NOSTRIN: variants seen among roughly 807,000 people sequenced by gnomAD.
NOSTRIN encodes the protein nitric oxide synthase trafficking.
In NOSTRIN, 63 loss-of-function variants were observed where a neutral mutation model predicts 59.0. That is an observed-to-expected ratio of 1.07 (90% CI 0.87 to 1.32). The LOEUF (loss-of-function observed/expected upper bound fraction) is 1.32. Ranked by LOEUF, NOSTRIN falls within the 40% of genes most tolerant of loss-of-function variation. The pLI is 0.00. For missense variants in NOSTRIN, 512 were observed against 473.1 expected (o/e 1.08, Z -0.76); for synonymous variants, 200 against 165.4 (o/e 1.21, Z -1.61).
At chr2:168,843,880 G>T (rs968945036) in intron 8 of NOSTRIN, among the ~76,000 whole-genome samples, 1 of 152,166 alleles carries the variant, frequency 6.6e-6, no homozygotes, top group African/African-American at 2.4e-5. Flanking sequence ...TACTCCAAGA[G>T]TGATGCACAA....
In NOSTRIN at chr2:168,831,523, C is replaced by T. The variant is rs372867936; in HGVS notation, c.394C>T (p.Gln132Ter). 2.8e-5 allele frequency: 24 copies of T among 863,866 alleles called. No homozygotes were observed. The African/African-American group carries it at 3.7e-4, about 13-fold the overall frequency. 53.5% of individuals were successfully genotyped at this position (863,866 alleles called of 1,614,324 possible). A position where few individuals can be genotyped will look rare whatever the true frequency, so the allele number is the denominator to read the frequency against. ...TANLVISNWN[Q>*]QIKAKKKLMV... ...AAATCTTGTCATTAGCAACTGGAAT[C>T]AGCAAATTAAGGCAAGTATCCACAA... The change falls in exon 6 of 16, where the codon CAG becomes TAG. Residue 132 changes from glutamine (Q) to a stop codon, truncating the protein, a stop_gained. Coordinates refer to ENST00000317647, the MANE Select transcript of NOSTRIN (RefSeq NM_001039724.4). LOFTEE classifies it high-confidence loss of function.
chr2:168,846,912 C>G (rs1688462753), intron 8 of NOSTRIN, among the ~76,000 whole-genome samples: 2 of 152,166 alleles, frequency 1.3e-5, no homozygotes, highest in South Asian at 4.1e-4. Flanking sequence ...CGCCTCAGGA[C>G]AGTAGGGCTT....
At chr2:168,858,521 T>C (rs560139949) in intron 12 of NOSTRIN, among the ~76,000 whole-genome samples, 3 of 152,336 alleles carry the variant, frequency 2.0e-5, no homozygotes, top group South Asian at 4.1e-4. Context: ...TTGAGAAAAC[T>C]GGAGGCACTT....
intron 7 of NOSTRIN, among the ~76,000 whole-genome samples, chr2:168,836,518 C>G (rs971538698): frequency 6.6e-6 from 1 of 152,332 alleles, no homozygotes; most frequent in Admixed American, 6.5e-5. Flanking sequence ...ATTTTCTCAT[C>G]TCACATAGAA....
chr2:168,824,521 A>T, intron 2 of NOSTRIN, 113 bp from the exon 3 acceptor site: 1 of 635,440 alleles, frequency 1.6e-6, no homozygotes, highest in Non-Finnish European at 2.9e-6. Context: ...CTGGTCTTGA[A>T]CTCCTGGCCT....
chr2:168,848,023 A>G (rs781578798), intron 8 of NOSTRIN, among the ~76,000 whole-genome samples: 2 of 152,194 alleles, frequency 1.3e-5, no homozygotes, highest in Admixed American at 6.5e-5. Flanking sequence ...TAGGGATGCA[A>G]TATGTTCTAA....
At chr2:168,815,775 A>G (rs1686364547) in intron 2 of NOSTRIN, among the ~76,000 whole-genome samples, 1 of 152,202 alleles carries the variant, frequency 6.6e-6, no homozygotes, top group South Asian at 2.1e-4. Context: ...AACCATATAT[A>G]TCACAGTATA....
chr2:168,861,750 T>C (rs891271851), intron 14 of NOSTRIN, among the ~76,000 whole-genome samples: 1 of 152,252 alleles, frequency 6.6e-6, no homozygotes, highest in Admixed American at 6.5e-5. Flanking sequence ...TTTTTGGTTA[T>C]ATAACATATG....
intron 8 of NOSTRIN, among the ~76,000 whole-genome samples, chr2:168,846,837 C>T (rs1236629361): frequency 6.6e-6 from 1 of 152,170 alleles, no homozygotes; most frequent in Non-Finnish European, 1.5e-5. Flanking sequence ...TCAGTTCTCC[C>T]AAGGATGGCA....
In NOSTRIN at chr2:168,816,270, C is replaced by T. The variant is rs532627678; in HGVS notation, c.113+4618C>T. 1.1e-4 allele frequency among the ~76,000 whole-genome samples: 17 copies of T among 152,302 alleles called. No homozygotes were observed. The East Asian group carries it at 1.3e-3, about 12-fold the overall frequency. On this transcript the variant is annotated intron_variant, in intron 2 of 15. Transcript: ENST00000317647. ...GCTGAGGCCCTGTGCCTGTCTTTAA[C>T]GCGCCTTTCACTCTGTAGCCATGAC...
chr2:168,805,132 G>C (rs1685781534), intron 1 of NOSTRIN, among the ~76,000 whole-genome samples: 1 of 152,040 alleles, frequency 6.6e-6, no homozygotes, highest in Non-Finnish European at 1.5e-5. Context: ...TACAAAAAGG[G>C]CTCATGGTAC....
intron 2 of NOSTRIN, 120 bp downstream of exon 2, chr2:168,811,772 C>T (rs1013713229): frequency 4.8e-5 from 24 of 499,944 alleles, no homozygotes; most frequent in African/African-American, 2.6e-4. Flanking sequence ...TTTTGGTACT[C>T]GAGAGATTGC....
chr2:168,838,389 G>A lies in NOSTRIN; in HGVS notation c.504+4064G>A, dbSNP rs144801146. On this transcript the variant is annotated intron_variant, in intron 7 of 15. Coordinates refer to ENST00000317647, the MANE Select transcript of NOSTRIN (RefSeq NM_001039724.4). ...CAAGTAGCTGGGAGTACAGGCGTGCGCCATCACATCTGGCTAATTTTTGTA... is the reference window on the plus strand; with the variant it reads ...CAAGTAGCTGGGAGTACAGGCGTGCACCATCACATCTGGCTAATTTTTGTA... Among the ~76,000 whole-genome samples the A allele has an allele frequency of 2.4e-4, 37 of 152,086 alleles. 1 individual carries two copies. The highest frequency in any genetic ancestry group is 3.9e-4 in the Admixed American group (6 of 15,286).
chr2:168,861,590 G>C (rs554794551), intron 14 of NOSTRIN, among the ~76,000 whole-genome samples: 1 of 152,136 alleles, frequency 6.6e-6, no homozygotes, highest in South Asian at 2.1e-4. Context: ...ACACAGCTAG[G>C]GATGATGATA....
At chr2:168,821,518 A>G (rs1304004890) in intron 2 of NOSTRIN, among the ~76,000 whole-genome samples, 3 of 152,262 alleles carry the variant, frequency 2.0e-5, no homozygotes, top group African/African-American at 7.2e-5. Context: ...AGCAATGAAC[A>G]AAGCCATTCT....
chr2:168,853,960 C>T (rs982150536), intron 10 of NOSTRIN, among the ~76,000 whole-genome samples: 3 of 152,288 alleles, frequency 2.0e-5, no homozygotes, highest in Admixed American at 1.3e-4. Flanking sequence ...CTCTGCCTCC[C>T]GGGTCCAAGT....
At chr2:168,864,732 C>G in intron 15 of NOSTRIN, 102 bp from the exon 16 acceptor site, 1 of 1,355,202 alleles carries the variant, frequency 7.4e-7, no homozygotes, top group Non-Finnish European at 1.0e-6. Flanking sequence ...ATGACACTAC[C>G]AAGTAAATCC....
chr2:168,794,052 A>C (rs140228595), upstream of NOSTRIN, among the ~76,000 whole-genome samples: 268 of 152,284 alleles, frequency 1.8e-3, 1 homozygote, highest in African/African-American at 6.0e-3. Context: ...CATAATCTTC[A>C]TAATCTGTCA....
At chr2:168,824,604 C>T in intron 2 of NOSTRIN, 30 bp from the exon 3 acceptor site, 1 of 866,410 alleles carries the variant, frequency 1.2e-6, no homozygotes, top group East Asian at 2.4e-5. Flanking sequence ...CAGCCCAGTA[C>T]ATCCTATTTA....
Sources: gnomAD v4.1 joint callset for allele counts (sites outside exome capture counted in the v4.1 genomes callset) on GRCh38, gnomAD v4.1.1 for gene constraint, MANE v1.5 for transcripts, NCBI Gene and HGNC (gene_info 2026-07-23, HGNC 2026-07-21) for gene names.